Variants in EPHA6 observed in about 807,000 individuals in gnomAD.
EPHA6 encodes the protein EPH receptor A6, also known as ephrin type-A receptor 6.
EPHA6 carries 50 observed loss-of-function variants against 112.0 expected under a neutral mutation model. That is an observed-to-expected ratio of 0.45 (90% CI 0.36 to 0.56). The LOEUF is 0.56. EPHA6 is among the 20% of genes least tolerant of loss of function. The probability of loss-of-function intolerance (pLI) is 0.00; values close to 1 mark genes in which losing one functional copy is unlikely to be tolerated. For synonymous variants in EPHA6, 529 were observed against 490.7 expected (o/e 1.08, Z -1.03); for missense variants, 1,280 against 1,417.4 (o/e 0.90, Z 1.56).
intron 14 of EPHA6, among the ~76,000 whole-genome samples, chr3:97,680,890 A>G (rs2031808740): frequency 6.6e-6 from 1 of 152,210 alleles, no homozygotes; most frequent in African/African-American, 2.4e-5. Flanking sequence ...TTGTACTTTC[A>G]TGAGTTTCAC....
intron 2 of EPHA6, among the ~76,000 whole-genome samples, chr3:96,910,664 T>C (rs771350487): frequency 2.6e-5 from 4 of 152,050 alleles, no homozygotes; most frequent in Admixed American, 6.6e-5. Context: ...AAATCTTTTC[T>C]CAAATGCCAT....
chr3:96,945,255 A>G (rs1410962716), intron 2 of EPHA6, among the ~76,000 whole-genome samples: 1 of 152,158 alleles, frequency 6.6e-6, no homozygotes, highest in East Asian at 1.9e-4. Context: ...TTCTGATTCC[A>G]TATTCACCTC....
chr3:96,990,217 AT>A (rs887015111), intron 3 of EPHA6, among the ~76,000 whole-genome samples: 1 of 151,670 alleles, frequency 6.6e-6, no homozygotes, highest in African/African-American at 2.4e-5. Flanking sequence ...TGATGTCTAG[AT>A]TTTTTTTTAC....
At chr3:96,890,241 C>T (rs527314611) in intron 2 of EPHA6, among the ~76,000 whole-genome samples, 37 of 152,018 alleles carry the variant, frequency 2.4e-4, no homozygotes, top group African/African-American at 8.0e-4. Flanking sequence ...GGTTGGAAGA[C>T]TATATTTGCA....
intron 14 of EPHA6, among the ~76,000 whole-genome samples, chr3:97,719,942 A>G (rs998769899): frequency 7.2e-5 from 11 of 152,200 alleles, no homozygotes; most frequent in Admixed American, 6.5e-4. Context: ...TTAATGTCCT[A>G]TAATCTGGAA....
intron 3 of EPHA6, among the ~76,000 whole-genome samples, chr3:97,117,913 A>G (rs2047937801): frequency 6.6e-6 from 1 of 151,848 alleles, no homozygotes; most frequent in African/African-American, 2.4e-5. Context: ...ATATACAAAG[A>G]ACTCTGTATC....
At chr3:97,514,159 G>A (rs2092410109) in intron 10 of EPHA6, among the ~76,000 whole-genome samples, 2 of 152,238 alleles carry the variant, frequency 1.3e-5, no homozygotes, top group African/African-American at 2.4e-5. Context: ...AAATCAGGGT[G>A]TTGGCAGAAC....
chr3:97,492,547 C>CAAA lies in EPHA6; in HGVS notation c.2200+8533_2200+8535dup, dbSNP rs780244403. Among the ~76,000 whole-genome samples the CAAA allele has an allele frequency of 1.0e-4, 3 of 28,944 alleles. 1 individual carries two copies. Among genetic ancestry groups the CAAA allele is most frequent in the Non-Finnish European group, 2.4e-4 (3 of 12,638 alleles). The allele number at this position is 28,944 out of a possible 152,430, so 19.0% of individuals were successfully genotyped here. A position where few individuals can be genotyped will look rare whatever the true frequency, so the allele number is the denominator to read the frequency against. On this transcript the variant is annotated intron_variant, in intron 10 of 17. Coordinates refer to ENST00000389672, the MANE Select transcript of EPHA6 (RefSeq NM_001080448.3). ...ACAGAGCGAGAGTGAGACTCAGTCT[C>CAAA]AAAAAAAAAAAAAAAAAAAAAAAAA...
chr3:97,290,863 A>T (rs2080656688), intron 5 of EPHA6, among the ~76,000 whole-genome samples: 1 of 149,344 alleles, frequency 6.7e-6, no homozygotes, highest in African/African-American at 2.5e-5. Context: ...GATCCTTTGT[A>T]TTGTGTTTTT....
At position 97,592,705 on chromosome 3, in the gene EPHA6, G is replaced by C. The variant is rs367684655; in HGVS notation, c.2480G>C (p.Gly827Ala). 1.1e-5 allele frequency: 17 copies of C among 1,603,356 alleles called. No individual in the cohort carries two copies. In the African/African-American group the frequency reaches 1.6e-4, roughly 15 times the overall value. ...ATCCAGGCCCCGCATCCAGTGCCAG[G>C]GGGAGGATCTTTGCCCCCCAGGATT... ...NSIQAPHPVP[G>A]GGSLPPRIPA... The change falls in exon 12 of 18, where the codon GGG becomes GCG. Residue 827 changes from glycine (G) to alanine (A), a missense_variant. Gly to Ala is a moderately conservative substitution (Grantham distance 60, BLOSUM62 0). Transcript: ENST00000389672.
At position 96,987,905 on chromosome 3, in the gene EPHA6, G is replaced by A. The variant is rs545192960; in HGVS notation, c.1026G>A (p.Leu342=). 6.2e-7 allele frequency: 1 copy of A among 1,613,786 alleles called. No homozygotes were observed. Among genetic ancestry groups the A allele is most frequent in the East Asian group, 2.2e-5 (1 of 44,862 alleles). The change falls in exon 3 of 18, where the codon CTG becomes CTA. Residue 342 remains leucine, a synonymous_variant. Transcript: ENST00000389672. ...KSAEERDTPK[L]YCGADGDWLV... ...CTGAAGAGCGTGACACTCCTAAACT[G>A]TATTGTGGAGCTGATGGAGATTGGC...
intron 14 of EPHA6, among the ~76,000 whole-genome samples, chr3:97,710,827 T>C (rs1199422014): frequency 1.3e-5 from 2 of 152,268 alleles, no homozygotes; most frequent in Non-Finnish European, 2.9e-5. Context: ...GTGTATACTT[T>C]GGAGTACTAT....
At position 96,970,267 on chromosome 3, in the gene EPHA6, A is replaced by AC. The variant is rs1491536490; in HGVS notation, c.451-17063_451-17062insC. On this transcript the variant is annotated intron_variant, in intron 2 of 17. Coordinates refer to ENST00000389672, the MANE Select transcript of EPHA6 (RefSeq NM_001080448.3). ...CACACACACACACACACACACACAC[A>AC]AACACACACACACACAGAGCGAGAG... Among the ~76,000 whole-genome samples the AC allele has an allele frequency of 2.8e-4, 41 of 145,276 alleles. 1 individual carries two copies. The highest frequency in any genetic ancestry group is 1.2e-3 in the East Asian group (6 of 5,058).
intron 1 of EPHA6, among the ~76,000 whole-genome samples, chr3:96,825,261 T>C (rs1478448019): frequency 2.0e-5 from 3 of 151,742 alleles, no homozygotes; most frequent in Non-Finnish European, 4.4e-5. Flanking sequence ...GTGATGTGAC[T>C]TGGCTTTTTT....
chr3:96,919,250 A>G (rs2039639722), intron 2 of EPHA6, among the ~76,000 whole-genome samples: 2 of 151,936 alleles, frequency 1.3e-5, no homozygotes, highest in Admixed American at 1.3e-4. Flanking sequence ...TTAGTATACT[A>G]CACTGAAAAC....
At chr3:97,495,719 T>C (rs9809936) in intron 10 of EPHA6, among the ~76,000 whole-genome samples, 11,146 of 152,206 alleles carry the variant, frequency 0.073, 1,292 homozygotes, top group African/African-American at 0.24. Flanking sequence ...CAGCACTCCC[T>C]GTGCAGCAAT....
chr3:97,015,906 A>G (rs2044249817), intron 3 of EPHA6, among the ~76,000 whole-genome samples: 1 of 152,158 alleles, frequency 6.6e-6, no homozygotes. Flanking sequence ...ATTATGAGAA[A>G]ACATTTAAGG....
At chr3:97,546,853 A>T (rs9833009) in intron 11 of EPHA6, among the ~76,000 whole-genome samples, 11 of 152,080 alleles carry the variant, frequency 7.2e-5, no homozygotes, top group African/African-American at 2.7e-4. Context: ...CCAGTTGATC[A>T]CAGCGGCTAC....
At chr3:97,543,725 G>A (rs2092903174) in intron 11 of EPHA6, among the ~76,000 whole-genome samples, 1 of 151,986 alleles carries the variant, frequency 6.6e-6, no homozygotes, top group Non-Finnish European at 1.5e-5. Flanking sequence ...TCCTACCCAT[G>A]AGCATGGAAT....
Sources: allele counts gnomAD v4.1 joint callset (sites outside exome capture counted in the v4.1 genomes callset), GRCh38; gene constraint gnomAD v4.1.1; transcripts MANE v1.5; gene names NCBI Gene and HGNC (gene_info 2026-07-23, HGNC 2026-07-21).